Variants in VPS13B observed in about 807,000 individuals in gnomAD.
VPS13B encodes intermembrane lipid transfer protein VPS13B.
In VPS13B, 285 loss-of-function variants were observed where a neutral mutation model predicts 426.4. That is an observed-to-expected ratio of 0.67 (90% CI 0.61 to 0.74). The LOEUF (loss-of-function observed/expected upper bound fraction) is 0.74. Ranked by LOEUF, VPS13B falls within the 30% of genes least tolerant of loss-of-function variation. The pLI is 0.00. For synonymous variants in VPS13B, 1,676 were observed against 1,676.4 expected (o/e 1.00, Z 0.01); for missense variants, 4,537 against 4,782.6 (o/e 0.95, Z 1.51).
rs564897762 is a variant in VPS13B at position 99,298,110 on chromosome 8, A to T, written c.2824+22856A>T. Among the ~76,000 whole-genome samples, 15 of 152,354 alleles carry T rather than the reference A, an allele frequency of 9.8e-5. No homozygotes were observed. The South Asian group carries it at 2.5e-3, about 25-fold the overall frequency. On this transcript the variant is annotated intron_variant, in intron 19 of 61. Coordinates refer to ENST00000357162, the MANE Select transcript of VPS13B (RefSeq NM_152564.5). Reference sequence around the variant, plus strand: ...GTTTATTCTTCAAATATTAGTGCTAAATAAGTTTAACTACAAATTTTATGA... The same window carrying T: ...GTTTATTCTTCAAATATTAGTGCTATATAAGTTTAACTACAAATTTTATGA...
At chr8:99,256,766 T>G (rs755407255) in intron 17 of VPS13B, among the ~76,000 whole-genome samples, 5 of 152,162 alleles carry the variant, frequency 3.3e-5, no homozygotes, top group African/African-American at 4.8e-5. Flanking sequence ...GTCTAGAGAT[T>G]ATCTATGTAT....
intron 39 of VPS13B, among the ~76,000 whole-genome samples, chr8:99,752,371 C>T (rs966351620): frequency 6.6e-6 from 1 of 152,202 alleles, no homozygotes; most frequent in African/African-American, 2.4e-5. Flanking sequence ...CAGCAAACTA[C>T]AGCCTGTGGG....
chr8:99,055,708 C>T (rs1005729191), intron 3 of VPS13B, among the ~76,000 whole-genome samples: 7 of 151,836 alleles, frequency 4.6e-5, no homozygotes, highest in African/African-American at 1.5e-4. Flanking sequence ...ACAGATACAC[C>T]ACCAATTTTG....
chr8:99,111,128 A>G lies in VPS13B; in HGVS notation c.611A>G (p.Asn204Ser), dbSNP rs201363767. ...GATTTGGTGCTGAGAAAGGTTATCAATTTTTCTGACTGTACAGTTTGTCTT... is the reference window on the plus strand; with the variant it reads ...GATTTGGTGCTGAGAAAGGTTATCAGTTTTTCTGACTGTACAGTTTGTCTT... ...ATDLVLRKVI[N>S]FSDCTVCLDK... Residue 204 changes from asparagine (N) to serine (S), a missense_variant, in exon 6 of 62, where the codon AAT becomes AGT. Coordinates refer to ENST00000357162, the MANE Select transcript of VPS13B (RefSeq NM_152564.5). 104 of 1,604,712 alleles carry G rather than the reference A, an allele frequency of 6.5e-5. No individual in the cohort carries two copies. The highest frequency in any genetic ancestry group is 1.6e-4 in the East Asian group (7 of 44,464).
chr8:99,707,305 A>G (rs1832533384), intron 36 of VPS13B, among the ~76,000 whole-genome samples: 2 of 152,164 alleles, frequency 1.3e-5, no homozygotes, highest in Non-Finnish European at 2.9e-5. Context: ...TATTTAATTT[A>G]TAGGACTTTG....
chr8:99,642,211 A>G lies in VPS13B; in HGVS notation c.5621A>G (p.Asp1874Gly). ...TGTATTTCCACGGTGACAGCAGAAG[A>G]TCTCTTAAGGAGCAGCATTTCTTTT... ...QACISTVTAE[D>G]LLRSSISFPS... is the part of the protein sequence containing the mutation. The change falls in exon 34 of 62, where the codon GAT (aspartate) becomes GGT (glycine). Residue 1874 changes from aspartate (D) to glycine (G), a missense_variant. Asp to Gly is a moderately conservative substitution (Grantham distance 94). Transcript: ENST00000357162. 6.2e-7 allele frequency: 1 copy of G among 1,614,170 alleles called. No homozygotes were observed.
intron 3 of VPS13B, among the ~76,000 whole-genome samples, chr8:99,078,130 G>A (rs982706363): frequency 6.6e-6 from 1 of 151,458 alleles, no homozygotes; most frequent in Non-Finnish European, 1.5e-5. Context: ...TTCTCACTGA[G>A]GCTCTTCGTT....
intron 17 of VPS13B, among the ~76,000 whole-genome samples, chr8:99,231,126 A>G (rs1271177185): frequency 6.6e-6 from 1 of 152,248 alleles, no homozygotes; most frequent in Non-Finnish European, 1.5e-5. Flanking sequence ...GAGTTAAAGT[A>G]TAAGTGTTTA....
intron 31 of VPS13B, among the ~76,000 whole-genome samples, chr8:99,573,621 A>G (rs969326518): frequency 3.9e-5 from 6 of 152,042 alleles, no homozygotes; most frequent in Non-Finnish European, 5.9e-5. Flanking sequence ...GATACACTGC[A>G]TTATTTCTGA....
chr8:99,562,967 C>A (rs930759211), intron 31 of VPS13B, among the ~76,000 whole-genome samples: 2 of 152,196 alleles, frequency 1.3e-5, no homozygotes, highest in South Asian at 2.1e-4. Flanking sequence ...TCAGCCTAGG[C>A]AACATAGTGA....
chr8:99,544,482 G>A (rs1203965664), intron 30 of VPS13B, among the ~76,000 whole-genome samples: 1 of 151,888 alleles, frequency 6.6e-6, no homozygotes, highest in African/African-American at 2.4e-5. Flanking sequence ...AAAAAATTCA[G>A]AAGTATTTAC....
At chr8:99,202,349 C>T (rs1814380868) in intron 17 of VPS13B, among the ~76,000 whole-genome samples, 1 of 152,192 alleles carries the variant, frequency 6.6e-6, no homozygotes, top group African/African-American at 2.4e-5. Context: ...ACTAGGCTCA[C>T]AGAAATGTAT....
intron 33 of VPS13B, among the ~76,000 whole-genome samples, chr8:99,630,515 A>T (rs895148880): frequency 6.6e-6 from 1 of 151,866 alleles, no homozygotes; most frequent in African/African-American, 2.4e-5. Context: ...TCATCCTTTT[A>T]TCTACTCCCC....
intron 61 of VPS13B, among the ~76,000 whole-genome samples, chr8:99,873,979 T>C (rs983016368): frequency 6.6e-6 from 1 of 152,232 alleles, no homozygotes; most frequent in Non-Finnish European, 1.5e-5. Context: ...TTGGAAGGAA[T>C]TAATTTGTAG....
chr8:99,048,684 G>A (rs976541440), intron 3 of VPS13B, among the ~76,000 whole-genome samples: 2 of 151,828 alleles, frequency 1.3e-5, no homozygotes, highest in Admixed American at 6.6e-5. Context: ...GTGTGGTAGC[G>A]AGCGCCTGTA....
chr8:99,248,472 T>C (rs1473958239), intron 17 of VPS13B, among the ~76,000 whole-genome samples: 4 of 152,212 alleles, frequency 2.6e-5, no homozygotes, highest in African/African-American at 9.6e-5. Context: ...GAATAAATTT[T>C]GTAATGTACA....
intron 36 of VPS13B, among the ~76,000 whole-genome samples, chr8:99,709,838 G>A (rs1463919414): frequency 6.6e-6 from 1 of 152,056 alleles, no homozygotes; most frequent in Non-Finnish European, 1.5e-5. Context: ...TCTTTAAATT[G>A]GTAGTATTGT....
At chr8:99,395,196 A>G (rs545844963) in intron 21 of VPS13B, among the ~76,000 whole-genome samples, 2 of 152,328 alleles carry the variant, frequency 1.3e-5, no homozygotes, top group East Asian at 1.9e-4. Flanking sequence ...AGAGACAGGA[A>G]CTGAAGTTAA....
rs149012332 is a variant in VPS13B, at chr8:99,216,489, C to CATGA, written c.2515+23460_2515+23463dup. On this transcript the variant is annotated intron_variant, in intron 17 of 61. Coordinates refer to ENST00000357162, the MANE Select transcript of VPS13B (RefSeq NM_152564.5). ...AACATATTCTCATCCTAGCATATCA[C>CATGA]ATGAATGAATGAATGAATGAATGAA... Among the ~76,000 whole-genome samples, 966 of 151,398 alleles carry CATGA rather than the reference C, an allele frequency of 6.4e-3. 15 individuals are homozygous for CATGA. Among genetic ancestry groups the CATGA allele is most frequent in the East Asian group, 0.057 (293 of 5,160 alleles).
Sources: gnomAD v4.1 joint callset for allele counts (sites outside exome capture counted in the v4.1 genomes callset) on GRCh38, gnomAD v4.1.1 for gene constraint, MANE v1.5 for transcripts, NCBI Gene and HGNC (gene_info 2026-07-23, HGNC 2026-07-21) for gene names.